The following HSD17B4 variants were observed in gnomAD, a reference collection of about 807,000 sequenced individuals.
The protein encoded by HSD17B4 is peroxisomal multifunctional enzyme type 2.
In HSD17B4, 70 loss-of-function variants were observed where a neutral mutation model predicts 101.0. The observed-to-expected ratio is 0.69, with a 90% CI of 0.57 to 0.85. HSD17B4 has a LOEUF of 0.85. HSD17B4 is among the 40% of genes least tolerant of loss of function. The pLI is 0.00. For synonymous variants in HSD17B4, 347 were observed against 297.1 expected (o/e 1.17, Z -1.73); for missense variants, 984 against 892.4 (o/e 1.10, Z -1.31).
At chr5:119,452,924 C>G in intron 1 of HSD17B4, 1 of 1,267,858 alleles carries the variant, frequency 7.9e-7, no homozygotes, top group Non-Finnish European at 1.1e-6. Context: ...GGTGAAAGTT[C>G]TCCCTGACCC....
At chr5:119,538,640 G>A (rs1251374977) in intron 23 of HSD17B4, among the ~76,000 whole-genome samples, 1 of 152,072 alleles carries the variant, frequency 6.6e-6, no homozygotes, top group Non-Finnish European at 1.5e-5. Context: ...TTCATCCCAT[G>A]CCACTTGCCC....
chr5:119,529,789 C>T (rs911012888), intron 20 of HSD17B4, 105 bp from the exon 21 acceptor site: 2 of 712,708 alleles, frequency 2.8e-6, no homozygotes, highest in Non-Finnish European at 5.0e-6. Flanking sequence ...TATTCTTTTT[C>T]ATATGAGGCA....
chr5:119,514,229 G>A (rs1320371954), intron 16 of HSD17B4, among the ~76,000 whole-genome samples: 2 of 152,104 alleles, frequency 1.3e-5, no homozygotes, highest in Non-Finnish European at 2.9e-5. Context: ...TGGGTGTGGC[G>A]GGGTTTGTGA....
intron 17 of HSD17B4, among the ~76,000 whole-genome samples, chr5:119,520,496 C>T (rs1269555801): frequency 6.6e-6 from 1 of 152,160 alleles, no homozygotes; most frequent in Non-Finnish European, 1.5e-5. Flanking sequence ...TTTCAGAATT[C>T]TAATCTATAT....
Position 119,499,339 on chromosome 5 carries a change from T to A in HSD17B4, c.995T>A (p.Leu332His). ...SGFAGAIGQK[L>H]PPFSYAYTEL... ...TAGGCTGGAGCTATTGGCCAGAAACTCCCTCCATTTTCTTATGCTTATACG... is the reference window on the plus strand; with the variant it reads ...TAGGCTGGAGCTATTGGCCAGAAACACCCTCCATTTTCTTATGCTTATACG... The change falls in exon 13 of 24, where the codon CTC (leucine) becomes CAC (histidine). Residue 332 changes from leucine to histidine, a missense_variant. Transcript: ENST00000510025. 1 of 1,613,242 alleles carries A rather than the reference T, an allele frequency of 6.2e-7. No individual in the cohort carries two copies. Among genetic ancestry groups the A allele is most frequent in the Non-Finnish European group, 8.5e-7 (1 of 1,179,242 alleles).
At chr5:119,541,625 G>T (rs1219167740) in intron 23 of HSD17B4, among the ~76,000 whole-genome samples, 1 of 152,080 alleles carries the variant, frequency 6.6e-6, no homozygotes. Flanking sequence ...ATAAAGTAAA[G>T]CCAGAAACGT....
At chr5:119,488,846 A>G (rs1749838455) in intron 8 of HSD17B4, among the ~76,000 whole-genome samples, 1 of 152,116 alleles carries the variant, frequency 6.6e-6, no homozygotes, top group Non-Finnish European at 1.5e-5. Context: ...AGAGTAGAAT[A>G]ATTTTGGGAA....
intron 22 of HSD17B4, among the ~76,000 whole-genome samples, chr5:119,534,890 G>A (rs1041665753): frequency 2.0e-5 from 3 of 152,010 alleles, no homozygotes; most frequent in African/African-American, 7.2e-5. Flanking sequence ...GTACACACAA[G>A]TGCACAAAAT....
chr5:119,461,725 A>AT (rs1755257970), intron 2 of HSD17B4, among the ~76,000 whole-genome samples: 1 of 151,140 alleles, frequency 6.6e-6, no homozygotes, highest in African/African-American at 2.4e-5. Flanking sequence ...CTTTGCCAAA[A>AT]AAAAAAAAAA....
chr5:119,509,026 C>G, intron 15 of HSD17B4, 115 bp from the exon 16 acceptor site: 1 of 695,116 alleles, frequency 1.4e-6, no homozygotes, highest in East Asian at 2.6e-5. Context: ...AGAACTCTTT[C>G]AGTAATTGGA....
At chr5:119,514,806 G>C (rs1349550266) in intron 16 of HSD17B4, among the ~76,000 whole-genome samples, 175 bp from the exon 17 acceptor site, 1 of 152,072 alleles carries the variant, frequency 6.6e-6, no homozygotes, top group Admixed American at 6.5e-5. Flanking sequence ...GATGAAGCTA[G>C]GAGTTATGAA....
chr5:119,463,873 G>A (rs1295183220), intron 2 of HSD17B4, among the ~76,000 whole-genome samples: 1 of 151,596 alleles, frequency 6.6e-6, no homozygotes, highest in African/African-American at 2.4e-5. Flanking sequence ...GTTTCACCAT[G>A]TTGGCCAGGC....
intron 15 of HSD17B4, among the ~76,000 whole-genome samples, chr5:119,507,976 G>A (rs944500936): frequency 6.6e-6 from 1 of 151,976 alleles, no homozygotes; most frequent in South Asian, 2.1e-4. Flanking sequence ...CATTTTTCTT[G>A]TAAATACATA....
chr5:119,494,079 T>G (rs1013442916), intron 11 of HSD17B4, 133 bp downstream of exon 11: 2 of 837,784 alleles, frequency 2.4e-6, no homozygotes, highest in East Asian at 5.2e-5. Flanking sequence ...TATTTTCTGC[T>G]CTAGTAGGTA....
At chr5:119,481,951 A>T (rs578262409) in intron 8 of HSD17B4, among the ~76,000 whole-genome samples, 1 of 151,646 alleles carries the variant, frequency 6.6e-6, no homozygotes, top group Admixed American at 6.6e-5. Context: ...TTTTCTCCTT[A>T]TCTTTGGTTT....
intron 10 of HSD17B4, 97 bp from the exon 11 acceptor site, chr5:119,493,721 A>G (rs1179820271): frequency 8.5e-7 from 1 of 1,170,146 alleles, no homozygotes; most frequent in Admixed American, 2.0e-5. Flanking sequence ...TTTTTTTCTG[A>G]ATTTCCTTTC....
chr5:119,528,337 G>T (rs566398483), intron 20 of HSD17B4, among the ~76,000 whole-genome samples: 1 of 152,096 alleles, frequency 6.6e-6, no homozygotes, highest in East Asian at 1.9e-4. Flanking sequence ...CTTCTTACAT[G>T]GTTGCTTTAC....
chr5:119,471,895 A>G (rs1756409156), intron 2 of HSD17B4, among the ~76,000 whole-genome samples: 1 of 152,180 alleles, frequency 6.6e-6, no homozygotes, highest in Admixed American at 6.5e-5. Context: ...TGGCCATCGC[A>G]TACTTAACTT....
intron 2 of HSD17B4, chr5:119,464,831 T>A (rs1746146943): frequency 6.6e-6 from 1 of 152,230 alleles, no homozygotes; most frequent in African/African-American, 2.4e-5. Flanking sequence ...TTTGACCTCA[T>A]GATCCGCCTG....
Sources: allele counts gnomAD v4.1 joint callset (sites outside exome capture counted in the v4.1 genomes callset), GRCh38; gene constraint gnomAD v4.1.1; transcripts MANE v1.5; gene names NCBI Gene and HGNC (gene_info 2026-07-23, HGNC 2026-07-21).